The following DGKI variants were observed in gnomAD, a reference collection of about 807,000 sequenced individuals.
DGKI encodes the protein DAG kinase iota.
DGKI carries 55 observed loss-of-function variants against 147.5 expected under a neutral mutation model. That is an observed-to-expected ratio of 0.37 (90% CI 0.30 to 0.47). The LOEUF (loss-of-function observed/expected upper bound fraction) is 0.47. Among genes scored for constraint, DGKI ranks in the 20% least tolerant of loss-of-function variants. The pLI, the probability that DGKI is intolerant of heterozygous loss-of-function variation, is 1.00. For synonymous variants in DGKI, 469 were observed against 477.1 expected (o/e 0.98, Z 0.22); for missense variants, 1,007 against 1,323.8 (o/e 0.76, Z 3.71).
At chr7:137,648,181 A>G (rs1821896526) in intron 5 of DGKI, among the ~76,000 whole-genome samples, 1 of 152,238 alleles carries the variant, frequency 6.6e-6, no homozygotes, top group Admixed American at 6.5e-5. Context: ...AGTGTAGCAG[A>G]AGCCGAGGGA....
intron 1 of DGKI, among the ~76,000 whole-genome samples, chr7:137,818,588 T>C (rs1797805664): frequency 6.6e-6 from 1 of 152,212 alleles, no homozygotes; most frequent in African/African-American, 2.4e-5. Flanking sequence ...ATTATAGGCA[T>C]GCGCCACCAT....
At chr7:137,402,479 A>G (rs1460749387) in intron 30 of DGKI, among the ~76,000 whole-genome samples, 1 of 152,222 alleles carries the variant, frequency 6.6e-6, no homozygotes, top group Admixed American at 6.5e-5. Context: ...TCCAAATTAC[A>G]ATGTTGCTGC....
intron 27 of DGKI, among the ~76,000 whole-genome samples, chr7:137,455,994 C>T (rs1272771454): frequency 2.6e-5 from 4 of 152,182 alleles, no homozygotes; most frequent in African/African-American, 9.6e-5. Context: ...GACAGACACA[C>T]TGAGAAAACA....
chr7:137,441,188 A>C (rs1563020899), intron 28 of DGKI, among the ~76,000 whole-genome samples: 1 of 152,074 alleles, frequency 6.6e-6, no homozygotes, highest in East Asian at 1.9e-4. Context: ...TGGGAGGCCG[A>C]GGTGGGCGAA....
intron 28 of DGKI, among the ~76,000 whole-genome samples, chr7:137,435,842 C>T (rs997931347): frequency 1.2e-4 from 19 of 152,182 alleles, no homozygotes; most frequent in African/African-American, 4.1e-4. Context: ...TACAGTGGCA[C>T]GATCTCGGCT....
chr7:137,659,963 A>T (rs1585339751), intron 3 of DGKI, among the ~76,000 whole-genome samples: 2 of 152,236 alleles, frequency 1.3e-5, no homozygotes, highest in East Asian at 3.8e-4. Context: ...GTTACCTCTT[A>T]TTCCTTACAT....
intron 3 of DGKI, among the ~76,000 whole-genome samples, chr7:137,668,457 G>A (rs916218466): frequency 6.6e-6 from 1 of 152,182 alleles, no homozygotes; most frequent in African/African-American, 2.4e-5. Context: ...AAATGGCAGG[G>A]TTGATCTGGT....
intron 1 of DGKI, among the ~76,000 whole-genome samples, chr7:137,835,717 A>T (rs1349418204): frequency 1.3e-5 from 2 of 152,198 alleles, no homozygotes; most frequent in African/African-American, 4.8e-5. Flanking sequence ...ATGGATTTAG[A>T]ATACCAGCTA....
intron 1 of DGKI, among the ~76,000 whole-genome samples, chr7:137,794,879 G>A (rs1173576038): frequency 6.6e-6 from 1 of 152,150 alleles, no homozygotes; most frequent in South Asian, 2.1e-4. Context: ...CATTCCCCTT[G>A]GAGACACAGA....
intron 1 of DGKI, among the ~76,000 whole-genome samples, chr7:137,844,124 C>T (rs147739452): frequency 3.1e-4 from 47 of 152,268 alleles, no homozygotes; most frequent in African/African-American, 1.1e-3. Flanking sequence ...TCATCCATCC[C>T]ACAGTAAAAC....
intron 20 of DGKI, among the ~76,000 whole-genome samples, chr7:137,536,510 A>G (rs1206969604): frequency 2.0e-5 from 3 of 152,156 alleles, no homozygotes; most frequent in African/African-American, 7.2e-5. Context: ...CTTGTCCCAT[A>G]GCAAGTCTCA....
chr7:137,518,054 C>T (rs1260888614), intron 21 of DGKI, among the ~76,000 whole-genome samples: 1 of 152,048 alleles, frequency 6.6e-6, no homozygotes, highest in African/African-American at 2.4e-5. Context: ...TAGAGGAAGT[C>T]AGCCTCTATG....
intron 1 of DGKI, among the ~76,000 whole-genome samples, chr7:137,752,686 C>T (rs1393849720): frequency 2.0e-5 from 3 of 152,158 alleles, no homozygotes; most frequent in African/African-American, 7.2e-5. Flanking sequence ...CACATAACCC[C>T]TGCTTGCTCA....
At chr7:137,638,677 C>CATATAT (rs1179978994) in intron 6 of DGKI, among the ~76,000 whole-genome samples, 1 of 119,778 alleles carries the variant, frequency 8.3e-6, no homozygotes, top group Non-Finnish European at 1.6e-5. Context: ...TATATACACA[C>CATATAT]GTATGTACAC....
At chr7:137,573,158 T>C (rs78618253) in intron 17 of DGKI, among the ~76,000 whole-genome samples, 2,586 of 152,290 alleles carry the variant, frequency 0.017, 131 homozygotes, top group East Asian at 0.11. Flanking sequence ...TCTAGACTGA[T>C]GGTGTCAACA....
intron 12 of DGKI, among the ~76,000 whole-genome samples, chr7:137,597,340 C>T (rs1026943386): frequency 6.6e-6 from 1 of 152,036 alleles, no homozygotes; most frequent in Admixed American, 6.6e-5. Flanking sequence ...CAAAATATCA[C>T]ACATACCCCA....
intron 3 of DGKI, among the ~76,000 whole-genome samples, chr7:137,663,910 C>T (rs1458069461): frequency 2.1e-5 from 3 of 140,582 alleles, no homozygotes; most frequent in African/African-American, 9.9e-5. Context: ...AGGGCTCCCT[C>T]CCCACTTAAC....
intron 1 of DGKI, among the ~76,000 whole-genome samples, chr7:137,800,943 T>G (rs1797186457): frequency 6.6e-6 from 1 of 152,162 alleles, no homozygotes; most frequent in South Asian, 2.1e-4. Context: ...GAATAAGAAT[T>G]TTGTAGAATT....
intron 27 of DGKI, among the ~76,000 whole-genome samples, chr7:137,451,220 CTGGAA>C (rs1813941142): frequency 6.6e-6 from 1 of 152,148 alleles, no homozygotes; most frequent in African/African-American, 2.4e-5. Flanking sequence ...GTTTGTTCCT[CTGGAA>C]CGGAGTGTTG....
Sources: gnomAD v4.1 joint callset for allele counts (sites outside exome capture counted in the v4.1 genomes callset) on GRCh38, gnomAD v4.1.1 for gene constraint, MANE v1.5 for transcripts, NCBI Gene and HGNC (gene_info 2026-07-23, HGNC 2026-07-21) for gene names.